Variants in CHSY3 observed in about 807,000 individuals in gnomAD.
CHSY3 encodes N-acetylgalactosaminyl-proteoglycan 3-beta-glucuronosyltransferase 3.
CHSY3 carries 35 observed loss-of-function variants against 67.2 expected under a neutral mutation model. The ratio of observed to expected loss-of-function variants is 0.52; its 90% CI spans 0.40 to 0.69. CHSY3 has a LOEUF of 0.69. CHSY3 is among the 30% of genes least tolerant of loss of function. CHSY3 has a pLI of 0.00. For synonymous variants in CHSY3, 474 were observed against 434.7 expected, an observed-to-expected ratio of 1.09 and a Z score of -1.12; for missense variants, 1,069 against 1,138.5, an observed-to-expected ratio of 0.94 and a Z score of 0.88.
intron 2 of CHSY3, among the ~76,000 whole-genome samples, chr5:129,928,448 G>A (rs1013412832): frequency 6.6e-6 from 1 of 151,852 alleles, no homozygotes; most frequent in African/African-American, 2.4e-5. Context: ...TCTTTTGGAT[G>A]CTATATTTAC....
intron 2 of CHSY3, among the ~76,000 whole-genome samples, chr5:130,086,053 G>A (rs547406645): frequency 0.041 from 6,280 of 152,134 alleles, 162 homozygotes; most frequent in Middle Eastern, 0.1. Flanking sequence ...TTTGGAATAG[G>A]TGTGGTGTGG....
intron 2 of CHSY3, among the ~76,000 whole-genome samples, chr5:129,968,832 T>C (rs1374636540): frequency 6.6e-6 from 1 of 151,848 alleles, no homozygotes; most frequent in African/African-American, 2.4e-5. Context: ...ACCAGTAGTC[T>C]ACCTGCATCT....
At chr5:130,106,933 A>G (rs745753100) in intron 2 of CHSY3, among the ~76,000 whole-genome samples, 2 of 151,564 alleles carry the variant, frequency 1.3e-5, no homozygotes, top group Non-Finnish European at 1.5e-5. Context: ...GCACAGTCTC[A>G]GTTACCTTTT....
chr5:130,093,735 G>A (rs1486536193), intron 2 of CHSY3, among the ~76,000 whole-genome samples: 1 of 152,052 alleles, frequency 6.6e-6, no homozygotes, highest in East Asian at 1.9e-4. Flanking sequence ...TATATCTCAA[G>A]AACACAGCAT....
chr5:130,001,477 T>C, intron 2 of CHSY3: 1 of 946,314 alleles, frequency 1.1e-6, no homozygotes, highest in South Asian at 4.9e-5. Flanking sequence ...CCTTTGTGCC[T>C]GTGGCAGAGA....
At chr5:129,993,656 CTT>C (rs1245363426) in intron 2 of CHSY3, among the ~76,000 whole-genome samples, 1 of 152,088 alleles carries the variant, frequency 6.6e-6, no homozygotes, top group African/African-American at 2.4e-5. Context: ...GGTCTTGACT[CTT>C]TATCCAATTT....
intron 2 of CHSY3, among the ~76,000 whole-genome samples, chr5:130,158,391 G>A (rs905159795): frequency 4.6e-5 from 7 of 152,122 alleles, no homozygotes; most frequent in Non-Finnish European, 1.0e-4. Context: ...CAATGGTAGA[G>A]GTGCTGTATC....
intron 2 of CHSY3, among the ~76,000 whole-genome samples, chr5:129,931,498 A>G (rs1761307104): frequency 6.6e-6 from 1 of 152,308 alleles, no homozygotes; most frequent in East Asian, 1.9e-4. Flanking sequence ...AGATGTGTAT[A>G]AAGACATTAT....
intron 2 of CHSY3, among the ~76,000 whole-genome samples, chr5:130,095,385 G>A (rs1024610685): frequency 6.6e-6 from 1 of 152,184 alleles, no homozygotes; most frequent in Non-Finnish European, 1.5e-5. Context: ...ATACTGGAAA[G>A]TGCCAGGTGC....
intron 2 of CHSY3, among the ~76,000 whole-genome samples, chr5:129,988,187 C>T (rs1159227262): frequency 6.6e-6 from 1 of 152,146 alleles, no homozygotes; most frequent in Non-Finnish European, 1.5e-5. Context: ...ACATATTGTT[C>T]CCTGAATTTG....
At chr5:129,951,744 C>T (rs1194238472) in intron 2 of CHSY3, among the ~76,000 whole-genome samples, 1 of 152,126 alleles carries the variant, frequency 6.6e-6, no homozygotes, top group East Asian at 1.9e-4. Context: ...CATTGGCCAT[C>T]TATGTAGATA....
chr5:130,065,070 T>G (rs1238432634), intron 2 of CHSY3, among the ~76,000 whole-genome samples: 1 of 152,178 alleles, frequency 6.6e-6, no homozygotes, highest in African/African-American at 2.4e-5. Context: ...CTCATTCATC[T>G]GGAAGAAGTC....
chr5:130,030,310 T>C (rs2149659567), intron 2 of CHSY3, among the ~76,000 whole-genome samples: 1 of 152,286 alleles, frequency 6.6e-6, no homozygotes, highest in Non-Finnish European at 1.5e-5. Context: ...TTAAAATTGC[T>C]TCCAGTAATG....
At chr5:129,994,299 CAG>C in intron 2 of CHSY3, among the ~76,000 whole-genome samples, 1 of 152,236 alleles carries the variant, frequency 6.6e-6, no homozygotes, top group Admixed American at 6.5e-5. Context: ...TAATATCCTG[CAG>C]AGTGTTTTCC....
At chr5:130,088,003 G>C (rs372809352) in intron 2 of CHSY3, among the ~76,000 whole-genome samples, 1 of 152,060 alleles carries the variant, frequency 6.6e-6, no homozygotes, top group Non-Finnish European at 1.5e-5. Flanking sequence ...CAACATGGTA[G>C]TGGTACCAAA....
At chr5:130,038,602 A>T (rs565810390) in intron 2 of CHSY3, among the ~76,000 whole-genome samples, 1 of 152,114 alleles carries the variant, frequency 6.6e-6, no homozygotes, top group Non-Finnish European at 1.5e-5. Context: ...GCTATGAGGT[A>T]GGAAATTCTT....
intron 2 of CHSY3, among the ~76,000 whole-genome samples, chr5:130,035,697 G>A (rs979674813): frequency 1.3e-5 from 2 of 152,072 alleles, no homozygotes; most frequent in African/African-American, 2.4e-5. Context: ...TGATATATCA[G>A]ATCTTCAGTC....
chr5:129,996,007 A>T (rs760452485), intron 2 of CHSY3, among the ~76,000 whole-genome samples: 2 of 152,072 alleles, frequency 1.3e-5, no homozygotes, highest in Non-Finnish European at 2.9e-5. Flanking sequence ...CATAGGGCTT[A>T]GAACCAAAAA....
intron 2 of CHSY3, among the ~76,000 whole-genome samples, chr5:129,944,469 G>A (rs560665512): frequency 2.6e-5 from 4 of 151,750 alleles, no homozygotes; most frequent in South Asian, 2.1e-4. Context: ...TGAGTAGCTC[G>A]GATTACAGGC....
Sources: allele counts gnomAD v4.1 joint callset (sites outside exome capture counted in the v4.1 genomes callset), GRCh38; gene constraint gnomAD v4.1.1; transcripts MANE v1.5; gene names NCBI Gene and HGNC (gene_info 2026-07-23, HGNC 2026-07-21).